The following CCDC7 variants were observed in gnomAD, a reference collection of about 807,000 sequenced individuals.
CCDC7 encodes the protein coiled-coil domain containing 7, also known as coiled-coil domain-containing protein 7.
Under a neutral mutation model 196.9 loss-of-function variants are expected in CCDC7, and 183 were observed. The ratio of observed to expected loss-of-function variants is 0.93; its 90% confidence interval spans 0.82 to 1.05. The LOEUF (loss-of-function observed/expected upper bound fraction) is 1.05. Among genes scored for constraint, CCDC7 ranks in the 50% least tolerant of loss-of-function variants. CCDC7 has a pLI of 0.00. For missense variants in CCDC7, 1,540 were observed against 1,482.2 expected (o/e 1.04, Z -0.64); for synonymous variants, 525 against 484.6 (o/e 1.08, Z -1.10).
chr10:32,560,234 T>C, intron 13 of CCDC7, among the ~76,000 whole-genome samples: 1 of 152,210 alleles, frequency 6.6e-6, no homozygotes, highest in East Asian at 1.9e-4. Flanking sequence ...TGGAACCAAG[T>C]TGGAAAACAC....
At chr10:32,775,041 C>A (rs577937741) in intron 28 of CCDC7, among the ~76,000 whole-genome samples, 2 of 152,310 alleles carry the variant, frequency 1.3e-5, no homozygotes, top group South Asian at 4.1e-4. Context: ...GCATTCCTAA[C>A]TTCTATTAGG....
chr10:32,466,742 A>T (rs988517335), intron 5 of CCDC7, among the ~76,000 whole-genome samples: 1 of 152,152 alleles, frequency 6.6e-6, no homozygotes, highest in African/African-American at 2.4e-5. Flanking sequence ...ATACACATGT[A>T]CGTGTCTTTA....
intron 33 of CCDC7, among the ~76,000 whole-genome samples, chr10:32,844,212 A>G (rs894702055): frequency 6.6e-6 from 1 of 151,906 alleles, no homozygotes; most frequent in Non-Finnish European, 1.5e-5. Flanking sequence ...CTAGTCAGTA[A>G]TTTTCAAATC....
intron 40 of CCDC7, among the ~76,000 whole-genome samples, chr10:32,852,991 G>A (rs1411649818): frequency 6.6e-6 from 1 of 152,120 alleles, no homozygotes; most frequent in Admixed American, 6.6e-5. Flanking sequence ...CTCAAAAGGA[G>A]GGTTTTGTTG....
intron 16 of CCDC7, among the ~76,000 whole-genome samples, chr10:32,573,888 T>C (rs1258559602): frequency 1.3e-5 from 2 of 152,158 alleles, no homozygotes; most frequent in African/African-American, 4.8e-5. Context: ...TTCAAATATA[T>C]GGTCATTGCC....
intron 25 of CCDC7, among the ~76,000 whole-genome samples, chr10:32,716,597 A>G (rs2081616422): frequency 6.6e-6 from 1 of 152,204 alleles, no homozygotes; most frequent in African/African-American, 2.4e-5. Context: ...AAAGACACAG[A>G]CTGGCAAATT....
At chr10:32,558,089 G>A (rs1468000759) in intron 13 of CCDC7, among the ~76,000 whole-genome samples, 4 of 152,236 alleles carry the variant, frequency 2.6e-5, no homozygotes, top group African/African-American at 7.2e-5. Context: ...TTAAACATCT[G>A]TATGTGAATT....
At chr10:32,541,966 T>C (rs2051516210) in intron 11 of CCDC7, among the ~76,000 whole-genome samples, 1 of 152,150 alleles carries the variant, frequency 6.6e-6, no homozygotes, top group African/African-American at 2.4e-5. Flanking sequence ...CTCACCTCAC[T>C]CCTCTCTGCT....
At chr10:32,620,838 G>C (rs569668671) in intron 18 of CCDC7, among the ~76,000 whole-genome samples, 1 of 152,152 alleles carries the variant, frequency 6.6e-6, no homozygotes, top group Non-Finnish European at 1.5e-5. Flanking sequence ...ACTTTCAGCA[G>C]TGCAACTTAA....
intron 18 of CCDC7, among the ~76,000 whole-genome samples, chr10:32,606,536 C>T (rs2061575227): frequency 1.3e-5 from 2 of 152,270 alleles, no homozygotes; most frequent in Non-Finnish European, 2.9e-5. Flanking sequence ...TGCACAGCCA[C>T]AGGGGCAGAG....
At chr10:32,797,368 A>G (rs1483979305) in intron 29 of CCDC7, among the ~76,000 whole-genome samples, 1 of 151,954 alleles carries the variant, frequency 6.6e-6, no homozygotes, top group African/African-American at 2.4e-5. Context: ...TATCAGTGAC[A>G]TGGGTGACAT....
intron 21 of CCDC7, among the ~76,000 whole-genome samples, chr10:32,676,848 G>A (rs2075066549): frequency 1.3e-5 from 2 of 152,156 alleles, no homozygotes; most frequent in Non-Finnish European, 2.9e-5. Context: ...AATACCATTT[G>A]ACCTAGCCAT....
At chr10:32,647,472 T>TGCAC (rs1564954818) in intron 20 of CCDC7, among the ~76,000 whole-genome samples, 2 of 151,554 alleles carry the variant, frequency 1.3e-5, no homozygotes, top group Non-Finnish European at 2.9e-5. Context: ...ATCGTGCCAC[T>TGCAC]TTTCTCCACA....
chr10:32,526,778 A>C (rs950714095), intron 11 of CCDC7, among the ~76,000 whole-genome samples: 15 of 152,162 alleles, frequency 9.9e-5, no homozygotes, highest in Non-Finnish European at 1.8e-4. Flanking sequence ...GCTAGTATCC[A>C]AGATGCAAGA....
chr10:32,703,374 C>T (rs574023853), intron 24 of CCDC7, among the ~76,000 whole-genome samples: 4 of 152,078 alleles, frequency 2.6e-5, no homozygotes, highest in South Asian at 2.1e-4. Context: ...GAGTTTCTGC[C>T]GAGAGATCCG....
intron 18 of CCDC7, among the ~76,000 whole-genome samples, chr10:32,626,907 G>C (rs1381710510): frequency 6.6e-6 from 1 of 151,840 alleles, no homozygotes; most frequent in Non-Finnish European, 1.5e-5. Context: ...CCATTGGTTG[G>C]TGTGTCTACT....
chr10:32,524,448 C>A (rs2048359625), intron 11 of CCDC7, among the ~76,000 whole-genome samples: 1 of 152,064 alleles, frequency 6.6e-6, no homozygotes, highest in Admixed American at 6.6e-5. Context: ...TCTGTGTTTT[C>A]TTGTGTGCTT....
chr10:32,656,809 A>G (rs1328935466), intron 20 of CCDC7, among the ~76,000 whole-genome samples: 2 of 152,100 alleles, frequency 1.3e-5, no homozygotes, highest in Non-Finnish European at 2.9e-5. Context: ...TCCAGCATTA[A>G]CTCAAAAGTC....
chr10:32,811,375 C>T (rs549496417), intron 30 of CCDC7, among the ~76,000 whole-genome samples: 3 of 151,934 alleles, frequency 2.0e-5, no homozygotes, highest in East Asian at 1.9e-4. Flanking sequence ...AACAACTATA[C>T]GCTGATAAAC....
Sources: gnomAD v4.1 joint callset for allele counts (sites outside exome capture counted in the v4.1 genomes callset) on GRCh38, gnomAD v4.1.1 for gene constraint, MANE v1.5 for transcripts, NCBI Gene and HGNC (gene_info 2026-07-23, HGNC 2026-07-21) for gene names.